Variants in MAP3K2 observed in about 807,000 individuals in gnomAD.
The protein encoded by MAP3K2 is MAP/ERK kinase kinase 2.
Under a neutral mutation model 80.3 loss-of-function variants are expected in MAP3K2, and 24 were observed. The observed-to-expected ratio is 0.30, with a 90% CI of 0.22 to 0.42. The LOEUF (loss-of-function observed/expected upper bound fraction) is 0.42, where lower values mean the gene tolerates loss of function less well. MAP3K2 is among the 10% of genes least tolerant of loss of function. MAP3K2 has a pLI of 1.00. For missense variants in MAP3K2, 608 were observed against 750.1 expected, an observed-to-expected ratio of 0.81 and a Z score of 2.21; for synonymous variants, 244 against 253.7, an observed-to-expected ratio of 0.96 and a Z score of 0.36.
At chr2:127,323,103 T>TA (rs1399216311) in intron 11 of MAP3K2, among the ~76,000 whole-genome samples, 1 of 145,396 alleles carries the variant, frequency 6.9e-6, no homozygotes, top group East Asian at 2.2e-4. Flanking sequence ...CCATCTCTAC[T>TA]AAAAATACAA....
chr2:127,303,458 G>A lies in MAP3K2; in HGVS notation c.*4121C>T, dbSNP rs191364411. Reference sequence around the variant, plus strand: ...AGATGCTATGTGACCTGGTTGGGGAGGGGATCCCTCTAGTTTGGAGATACT... The same window carrying A: ...AGATGCTATGTGACCTGGTTGGGGAAGGGATCCCTCTAGTTTGGAGATACT... On this transcript the variant is annotated 3_prime_UTR_variant, in exon 17 of 17. Coordinates refer to ENST00000682094, the MANE Select transcript of MAP3K2 (RefSeq NM_001371910.2). 6.6e-6 allele frequency: 1 copy of A among 152,088 alleles called. No homozygotes were observed. The highest frequency in any genetic ancestry group is 1.5e-5 in the Non-Finnish European group (1 of 67,988). The allele number at this position is 152,088 out of a possible 1,614,324, so 9.4% of individuals were successfully genotyped here. A position where few individuals can be genotyped will look rare whatever the true frequency, so the allele number is the denominator to read the frequency against.
chr2:127,320,735 A>G (rs1686002826), intron 12 of MAP3K2, among the ~76,000 whole-genome samples: 1 of 152,222 alleles, frequency 6.6e-6, no homozygotes, highest in South Asian at 2.1e-4. Context: ...GGAAGAAAGC[A>G]TATTACATAT....
At chr2:127,365,116 CAAAAAAAAAAAAAAAAAA>C (rs10558890) in intron 1 of MAP3K2, among the ~76,000 whole-genome samples, 57 of 31,656 alleles carry the variant, frequency 1.8e-3, no homozygotes, top group East Asian at 7.7e-3. Context: ...GACTCTGCCT[CAAAAAAAAAAAAAAAAAA>C]AAAAAAAAAA....
chr2:127,336,176 T>TA (rs1335987420), intron 4 of MAP3K2, among the ~76,000 whole-genome samples: 4 of 152,228 alleles, frequency 2.6e-5, no homozygotes, highest in African/African-American at 9.6e-5. Flanking sequence ...TTTATCCTAA[T>TA]ACAAATTTTA....
At chr2:127,345,802 G>GA (rs1468287922) in intron 1 of MAP3K2, among the ~76,000 whole-genome samples, 7 of 152,046 alleles carry the variant, frequency 4.6e-5, no homozygotes, top group African/African-American at 1.7e-4. Flanking sequence ...AGGAAAATTA[G>GA]AAAATACTTT....
intron 8 of MAP3K2, 112 bp from the exon 9 acceptor site, chr2:127,325,919 T>TA: frequency 1.4e-6 from 1 of 713,246 alleles, no homozygotes; most frequent in East Asian, 2.5e-5. Context: ...TTCACCCATT[T>TA]AAAGTATACA....
In MAP3K2 at chr2:127,300,096, T is replaced by C. The variant is rs1685562106; in HGVS notation, c.*7483A>G. 6.6e-6 allele frequency: 1 copy of C among 152,090 alleles called. No individual in the cohort carries two copies. Among genetic ancestry groups the C allele is most frequent in the Admixed American group, 6.5e-5 (1 of 15,276 alleles). The allele number at this position is 152,090 out of a possible 1,614,324, so 9.4% of individuals were successfully genotyped here. ...TCTTCAACAAAGAACCATAGATAAG[T>C]ATAGTTTGTAAAAGCAAAAAGGTCC... On this transcript the variant is annotated 3_prime_UTR_variant, in exon 17 of 17. Coordinates refer to ENST00000682094, the MANE Select transcript of MAP3K2 (RefSeq NM_001371910.2).
At chr2:127,365,459 T>C (rs944945198) in intron 1 of MAP3K2, among the ~76,000 whole-genome samples, 3 of 152,204 alleles carry the variant, frequency 2.0e-5, no homozygotes, top group African/African-American at 4.8e-5. Context: ...CCTCTTTCCA[T>C]AGGGTAGGTG....
Position 127,387,725 on chromosome 2 carries a change from C to T in MAP3K2, c.-339G>A, listed in dbSNP as rs1687397027. ...TCCTGGCGCTCCTCGGCACTTCTAG[C>T]CGCTGCAACCCCGAGGCCCGCGGGA... On this transcript the variant is annotated 5_prime_UTR_variant, in exon 1 of 17. Transcript: ENST00000682094. 2.0e-6 allele frequency: 2 copies of T among 985,050 alleles called. No individual in the cohort carries two copies. Among genetic ancestry groups the T allele is most frequent in the East Asian group, 1.1e-4 (1 of 8,780 alleles). 61.0% of individuals were successfully genotyped at this position (985,050 alleles called of 1,614,324 possible). A position where few individuals can be genotyped will look rare whatever the true frequency, so the allele number is the denominator to read the frequency against.
chr2:127,341,147 G>T (rs1047107156), intron 2 of MAP3K2, among the ~76,000 whole-genome samples: 2 of 151,512 alleles, frequency 1.3e-5, no homozygotes, highest in African/African-American at 2.4e-5. Context: ...CCCCCACCAC[G>T]CCTGGCTAAT....
At position 127,314,900 on chromosome 2, in the gene MAP3K2, CAAAAAT is replaced by C. The variant is rs771529888; in HGVS notation, c.1327-23_1327-18del. ...AATTGAACCCTAGGAGAAAAGAAAA[CAAAAAT>C]AAAAACTACTGTATATGGTTTGAAA... is the stretch of plus-strand genomic sequence containing the variant. On this transcript the variant is annotated intron_variant, in intron 14 of 16. Transcript: ENST00000682094. 1 of 1,537,714 alleles carries C rather than the reference CAAAAAT, an allele frequency of 6.5e-7. No homozygotes were observed. Among genetic ancestry groups the C allele is most frequent in the Non-Finnish European group, 8.8e-7 (1 of 1,130,872 alleles).
chr2:127,317,837 G>C lies in MAP3K2; in HGVS notation c.1195-77C>G, dbSNP rs1028052304. 10 of 1,347,014 alleles carry C rather than the reference G, an allele frequency of 7.4e-6. No individual in the cohort carries two copies. In the African/African-American group the frequency reaches 1.3e-4, roughly 18 times the overall value. The allele number at this position is 1,347,014 out of a possible 1,614,324, so 83.4% of individuals were successfully genotyped here. On this transcript the variant is annotated intron_variant, in intron 13 of 16. Coordinates refer to ENST00000682094, the MANE Select transcript of MAP3K2 (RefSeq NM_001371910.2). ...AAATTCTAACTTCATGGACCATCAA[G>C]GTGATTTCATTCTGAAAATTTTAGT...
At chr2:127,323,485 G>C (rs1172150425) in intron 11 of MAP3K2, among the ~76,000 whole-genome samples, 2 of 152,138 alleles carry the variant, frequency 1.3e-5, no homozygotes, top group African/African-American at 4.8e-5. Context: ...AAGACTTCAA[G>C]ACCAGCCTGG....
intron 1 of MAP3K2, among the ~76,000 whole-genome samples, chr2:127,373,637 T>C (rs1687102201): frequency 2.6e-5 from 4 of 152,218 alleles, no homozygotes; most frequent in African/African-American, 7.2e-5. Context: ...ATCCATGATA[T>C]TCAGTTCAGC....
At position 127,338,968 on chromosome 2, in the gene MAP3K2, T is replaced by C. The variant is rs1446341454; in HGVS notation, c.87A>G (p.Glu29=). Residue 29 remains glutamate, a synonymous_variant, in exon 3 of 17, where the codon GAA becomes GAG. Transcript: ENST00000682094. ...KASRPALSLQ[E]TRKAKSSSPK... is the part of the protein sequence containing the mutation. Reference sequence around the variant, plus strand: ...GTGATGAAGATTTTGCTTTTCTGGTTTCCTGCAAGGATAATGCTGGTCGAC... The same window carrying C: ...GTGATGAAGATTTTGCTTTTCTGGTCTCCTGCAAGGATAATGCTGGTCGAC... 1 of 1,611,818 alleles carries C rather than the reference T, an allele frequency of 6.2e-7. No individual in the cohort carries two copies. The highest frequency in any genetic ancestry group is 1.3e-5 in the African/African-American group (1 of 74,934).
In MAP3K2 at chr2:127,343,456, T is replaced by C. The variant is rs144428280; in HGVS notation, c.-65-262A>G. Among the ~76,000 whole-genome samples, 275 of 152,218 alleles carry C rather than the reference T, an allele frequency of 1.8e-3. 1 individual carries two copies. The highest frequency in any genetic ancestry group is 6.8e-3 in the Middle Eastern group (2 of 294). ...TAGTGTTTGTACAAACCATTATCAGTTGGAGGCAGGAACTCTCCTGAAATC... is the reference window on the plus strand; with the variant it reads ...TAGTGTTTGTACAAACCATTATCAGCTGGAGGCAGGAACTCTCCTGAAATC... On this transcript the variant is annotated intron_variant, in intron 1 of 16. Transcript: ENST00000682094.
intron 1 of MAP3K2, 42 bp from the exon 2 acceptor site, chr2:127,343,236 A>C: frequency 1.3e-6 from 1 of 793,282 alleles, no homozygotes; most frequent in Non-Finnish European, 2.0e-6. Context: ...AAAAAGAAAC[A>C]GAAAAGGAGC....
At chr2:127,383,097 C>G (rs1687278470) in intron 1 of MAP3K2, among the ~76,000 whole-genome samples, 2 of 152,164 alleles carry the variant, frequency 1.3e-5, no homozygotes, top group African/African-American at 4.8e-5. Context: ...AGAGATGCCA[C>G]ACATTTTTAA....
Position 127,387,678 on chromosome 2 carries a change from A to C in MAP3K2, c.-292T>G, listed in dbSNP as rs1687395530. On this transcript the variant is annotated 5_prime_UTR_variant, in exon 1 of 17. Transcript: ENST00000682094. ...GCCGGGCGGGGTGGCGGGCGCGTGA[A>C]TCCTCGCAGCCGGCCGGGTCCTCCT... 1.0e-6 allele frequency: 1 copy of C among 984,824 alleles called. No individual in the cohort carries two copies. The highest frequency in any genetic ancestry group is 1.8e-5 in the African/African-American group (1 of 57,070). The allele number at this position is 984,824 out of a possible 1,614,324, so 61.0% of individuals were successfully genotyped here.
Sources: gnomAD v4.1 joint callset for allele counts (sites outside exome capture counted in the v4.1 genomes callset) on GRCh38, gnomAD v4.1.1 for gene constraint, MANE v1.5 for transcripts, NCBI Gene and HGNC (gene_info 2026-07-23, HGNC 2026-07-21) for gene names.